The following ENOX1 variants were observed in gnomAD, a reference collection of about 807,000 sequenced individuals.
ENOX1 encodes the protein ecto-NOX disulfide-thiol exchanger 1.
In ENOX1, 42 loss-of-function variants were observed where a neutral mutation model predicts 82.5. That is an observed-to-expected ratio of 0.51 (90% confidence interval 0.40 to 0.66). The LOEUF (loss-of-function observed/expected upper bound fraction) is 0.66, where lower values mean the gene tolerates loss of function less well. ENOX1 is among the 30% of genes least tolerant of loss of function. The pLI is 0.00. For synonymous variants in ENOX1, 271 were observed against 282.2 expected (o/e 0.96, Z 0.40); for missense variants, 608 against 811.6 (o/e 0.75, Z 3.05).
At chr13:43,657,914 G>T (rs886179029) in intron 2 of ENOX1, among the ~76,000 whole-genome samples, 1 of 152,172 alleles carries the variant, frequency 6.6e-6, no homozygotes, top group African/African-American at 2.4e-5. Flanking sequence ...TCAGAGGATT[G>T]CATTTGTCTA....
At position 43,728,275 on chromosome 13, in the gene ENOX1, G is replaced by A. The variant is rs372249426; in HGVS notation, c.-285+58377C>T. On this transcript the variant is annotated intron_variant, in intron 1 of 16. Coordinates refer to ENST00000690772, the MANE Select transcript of ENOX1 (RefSeq NM_001347969.2). ...AAGAAAAAGTGAAAACCTCAAAATC[G>A]TTAAGTCTTAGTTCCATTCTCTTGC... 5.9e-5 allele frequency among the ~76,000 whole-genome samples: 9 copies of A among 152,100 alleles called. No individual in the cohort carries two copies. The East Asian group carries it at 1.5e-3, about 26-fold the overall frequency.
intron 2 of ENOX1, among the ~76,000 whole-genome samples, chr13:43,525,720 T>C (rs954485439): frequency 2.6e-5 from 4 of 152,158 alleles, no homozygotes; most frequent in African/African-American, 9.7e-5. Context: ...TGCATTTCCC[T>C]AGTCATTAGT....
chr13:43,684,479 T>A (rs941807744), intron 1 of ENOX1, among the ~76,000 whole-genome samples: 1 of 152,182 alleles, frequency 6.6e-6, no homozygotes, highest in Non-Finnish European at 1.5e-5. Flanking sequence ...ATTTAAAATG[T>A]AGGAAGTTCT....
chr13:43,676,342 C>T (rs1201221902), intron 1 of ENOX1, among the ~76,000 whole-genome samples: 1 of 152,132 alleles, frequency 6.6e-6, no homozygotes, highest in Non-Finnish European at 1.5e-5. Flanking sequence ...TTTAAAGACA[C>T]ATGCTAGGGG....
At chr13:43,632,712 G>A (rs2083270534) in intron 2 of ENOX1, among the ~76,000 whole-genome samples, 1 of 152,098 alleles carries the variant, frequency 6.6e-6, no homozygotes, top group African/African-American at 2.4e-5. Context: ...TTCCCAAAGT[G>A]CTGGGATTAC....
At chr13:43,657,320 G>A (rs1036800192) in intron 2 of ENOX1, among the ~76,000 whole-genome samples, 1 of 152,178 alleles carries the variant, frequency 6.6e-6, no homozygotes, top group African/African-American at 2.4e-5. Flanking sequence ...TTTTAGATTT[G>A]TTTCCACATG....
intron 2 of ENOX1, among the ~76,000 whole-genome samples, chr13:43,648,604 C>A (rs1357204237): frequency 1.3e-5 from 2 of 152,190 alleles, no homozygotes; most frequent in Non-Finnish European, 2.9e-5. Flanking sequence ...CGTGGCTGAC[C>A]TAGCCTTCTT....
intron 8 of ENOX1, among the ~76,000 whole-genome samples, chr13:43,351,962 A>G (rs986933445): frequency 6.6e-6 from 1 of 152,144 alleles, no homozygotes; most frequent in Non-Finnish European, 1.5e-5. Context: ...ACAGGCTCCT[A>G]TGTTTCATAT....
chr13:43,565,897 CA>C (rs2079896143), intron 2 of ENOX1, among the ~76,000 whole-genome samples: 1 of 152,142 alleles, frequency 6.6e-6, no homozygotes. Context: ...TTCTGAAAAA[CA>C]AAACAGATCC....
intron 1 of ENOX1, among the ~76,000 whole-genome samples, chr13:43,735,658 T>C (rs1310650841): frequency 1.3e-5 from 2 of 151,990 alleles, no homozygotes; most frequent in East Asian, 1.9e-4. Context: ...GAGGTGGAGA[T>C]TGCAGTGAGC....
chr13:43,532,178 T>C (rs1051636218), intron 2 of ENOX1, among the ~76,000 whole-genome samples: 3 of 152,058 alleles, frequency 2.0e-5, no homozygotes, highest in Non-Finnish European at 4.4e-5. Flanking sequence ...GAAAATAAAA[T>C]GGTATTATTT....
chr13:43,777,709 A>ATT (rs34778933), intron 1 of ENOX1, among the ~76,000 whole-genome samples: 6 of 145,312 alleles, frequency 4.1e-5, no homozygotes, highest in African/African-American at 1.5e-4. Flanking sequence ...TGCCTGGCTA[A>ATT]TTTTTTTTTT....
At chr13:43,228,320 C>A (rs1420911689) in intron 15 of ENOX1, among the ~76,000 whole-genome samples, 1 of 151,970 alleles carries the variant, frequency 6.6e-6, no homozygotes, top group African/African-American at 2.4e-5. Context: ...AAGGGGATGG[C>A]TCAACAATTG....
At chr13:43,600,875 GTC>G (rs754140892) in intron 2 of ENOX1, among the ~76,000 whole-genome samples, 6 of 152,198 alleles carry the variant, frequency 3.9e-5, no homozygotes, top group Non-Finnish European at 8.8e-5. Context: ...GAGAAGAAGA[GTC>G]TCTGCCTGGT....
At chr13:43,620,736 C>T (rs1220610604) in intron 2 of ENOX1, among the ~76,000 whole-genome samples, 1 of 152,034 alleles carries the variant, frequency 6.6e-6, no homozygotes, top group African/African-American at 2.4e-5. Context: ...GTCGGATGAA[C>T]TTTTCTGTAT....
At chr13:43,268,349 C>G (rs2044498596) in intron 13 of ENOX1, among the ~76,000 whole-genome samples, 1 of 152,174 alleles carries the variant, frequency 6.6e-6, no homozygotes, top group Non-Finnish European at 1.5e-5. Context: ...ATTCAGTCAA[C>G]TAGATTTTTC....
chr13:43,531,082 T>C (rs1225072148), intron 2 of ENOX1, among the ~76,000 whole-genome samples: 1 of 151,908 alleles, frequency 6.6e-6, no homozygotes, highest in Admixed American at 6.6e-5. Context: ...ATAATACTTT[T>C]TTTTACAAGA....
intron 2 of ENOX1, among the ~76,000 whole-genome samples, chr13:43,611,253 C>T (rs942313521): frequency 6.6e-6 from 1 of 152,132 alleles, no homozygotes; most frequent in South Asian, 2.1e-4. Flanking sequence ...CCCAGACATA[C>T]ACATATACCC....
At chr13:43,644,369 A>G (rs925365313) in intron 2 of ENOX1, among the ~76,000 whole-genome samples, 8 of 152,238 alleles carry the variant, frequency 5.3e-5, no homozygotes, top group Non-Finnish European at 1.2e-4. Flanking sequence ...GCCTACAATT[A>G]TAAGTTGAAG....
Sources: gnomAD v4.1 joint callset for allele counts (sites outside exome capture counted in the v4.1 genomes callset) on GRCh38, gnomAD v4.1.1 for gene constraint, MANE v1.5 for transcripts, NCBI Gene and HGNC (gene_info 2026-07-23, HGNC 2026-07-21) for gene names.